Variants in NBEA observed in about 807,000 individuals in gnomAD.
NBEA encodes the protein lysosomal-trafficking regulator 2.
NBEA carries 44 observed loss-of-function variants against 343.4 expected under a neutral mutation model. The observed-to-expected ratio is 0.13, with a 90% CI of 0.10 to 0.16. The LOEUF (loss-of-function observed/expected upper bound fraction) is 0.16. Among genes scored for constraint, NBEA ranks in the 10% least tolerant of loss-of-function variants. The pLI, the probability that NBEA is intolerant of heterozygous loss-of-function variation, is 1.00. For missense variants in NBEA, 2,555 were observed against 3,631.3 expected, an observed-to-expected ratio of 0.70 and a Z score of 7.62; for synonymous variants, 1,175 against 1,238.7, an observed-to-expected ratio of 0.95 and a Z score of 1.08.
chr13:35,638,957 C>A (rs1441737526), intron 49 of NBEA, among the ~76,000 whole-genome samples: 1 of 152,196 alleles, frequency 6.6e-6, no homozygotes, highest in Non-Finnish European at 1.5e-5. Context: ...CTTAATTCTA[C>A]TTAGATTTAC....
intron 47 of NBEA, among the ~76,000 whole-genome samples, chr13:35,601,961 C>T (rs8002367): frequency 0.22 from 33,388 of 151,712 alleles, 3,856 homozygotes; most frequent in African/African-American, 0.23. Flanking sequence ...GTCTATAAAG[C>T]GGGAATAATG....
rs2059307621 is a variant in NBEA, at chr13:34,950,216, A to T, written c.294+7102A>T. Among the ~76,000 whole-genome samples the T allele has an allele frequency of 2.0e-5, 3 of 152,168 alleles. No homozygotes were observed. In the South Asian group the frequency reaches 6.2e-4, roughly 32 times the overall value. ...GCTGCATTTCTGAGACAGCTTGATA[A>T]CTTCTTTCTGAAGAAAGAAAAAGGT... On this transcript the variant is annotated intron_variant, in intron 1 of 58. Transcript: ENST00000379939.
intron 34 of NBEA, among the ~76,000 whole-genome samples, chr13:35,262,935 G>T (rs924007078): frequency 2.6e-5 from 4 of 152,136 alleles, no homozygotes; most frequent in Non-Finnish European, 4.4e-5. Flanking sequence ...TTCTATAAAA[G>T]TCCCAATAAT....
intron 38 of NBEA, among the ~76,000 whole-genome samples, chr13:35,411,631 C>G (rs925903332): frequency 2.1e-4 from 30 of 139,708 alleles, no homozygotes; most frequent in African/African-American, 7.4e-4. Flanking sequence ...TAATGTTTTT[C>G]TTTTTTGTTT....
chr13:35,595,938 A>G (rs145528442), intron 47 of NBEA, among the ~76,000 whole-genome samples: 50 of 152,132 alleles, frequency 3.3e-4, no homozygotes, highest in African/African-American at 1.0e-3. Flanking sequence ...TGACCTGTAC[A>G]CTGACTCCTA....
chr13:35,468,108 A>ACCCCC (rs1346379931), intron 40 of NBEA, among the ~76,000 whole-genome samples: 55 of 81,180 alleles, frequency 6.8e-4, no homozygotes, highest in Non-Finnish European at 9.7e-4. Flanking sequence ...AATGATTTAC[A>ACCCCC]CCCCCCCCCC....
chr13:35,639,632 A>T (rs1457037497), intron 49 of NBEA, among the ~76,000 whole-genome samples: 2 of 152,204 alleles, frequency 1.3e-5, no homozygotes, highest in African/African-American at 4.8e-5. Flanking sequence ...TGAGATAAAC[A>T]AAATGCTAAG....
intron 36 of NBEA, among the ~76,000 whole-genome samples, chr13:35,329,021 C>G (rs1566625468): frequency 6.6e-6 from 1 of 151,846 alleles, no homozygotes; most frequent in Non-Finnish European, 1.5e-5. Flanking sequence ...ATGAACTACA[C>G]AAGTAGGCAA....
intron 35 of NBEA, among the ~76,000 whole-genome samples, chr13:35,294,510 G>A (rs776829349): frequency 1.8e-4 from 28 of 151,934 alleles, no homozygotes; most frequent in East Asian, 1.2e-3. Flanking sequence ...TTTTTTCCCC[G>A]TTGTCTTTGG....
intron 41 of NBEA, among the ~76,000 whole-genome samples, chr13:35,506,885 A>C (rs2077091551): frequency 1.3e-5 from 2 of 151,716 alleles, no homozygotes; most frequent in Admixed American, 1.3e-4. Context: ...ACATTATAGG[A>C]CTCCTTTCTT....
In NBEA at chr13:35,470,558, C is replaced by T. The variant is rs140266724; in HGVS notation, c.6449-1842C>T. Reference sequence around the variant, plus strand: ...GACTTTTTTGAGGTTTTTAGCAATGCCCAACAATGTACAACTTTGTTTCCA... The same window carrying T: ...GACTTTTTTGAGGTTTTTAGCAATGTCCAACAATGTACAACTTTGTTTCCA... On this transcript the variant is annotated intron_variant, in intron 40 of 58. Transcript: ENST00000379939. Among the ~76,000 whole-genome samples, 452 of 152,298 alleles carry T rather than the reference C, an allele frequency of 3.0e-3. 1 individual carries two copies. Among genetic ancestry groups the T allele is most frequent in the African/African-American group, 0.01 (423 of 41,558 alleles).
At chr13:35,031,758 C>G (rs1285498798) in intron 1 of NBEA, among the ~76,000 whole-genome samples, 1 of 151,486 alleles carries the variant, frequency 6.6e-6, no homozygotes, top group East Asian at 1.9e-4. Context: ...GTATTAAGCC[C>G]AGTACCCAAT....
intron 36 of NBEA, among the ~76,000 whole-genome samples, chr13:35,325,349 C>G (rs1014307918): frequency 6.6e-6 from 1 of 151,462 alleles, no homozygotes; most frequent in Non-Finnish European, 1.5e-5. Flanking sequence ...TGTATGTATA[C>G]AAGATATATA....
rs559800096 is a variant in NBEA at position 35,374,120 on chromosome 13, G to C, written c.6179+21797G>C. ...CTAAACTTAATCATTTCTAGCTTTT[G>C]ACTTTAAATGAAAGACACCACTTTT... On this transcript the variant is annotated intron_variant, in intron 38 of 58. Transcript: ENST00000379939. 5.3e-5 allele frequency among the ~76,000 whole-genome samples: 8 copies of C among 152,256 alleles called. No individual in the cohort carries two copies. The South Asian group carries it at 1.5e-3, about 28-fold the overall frequency.
At position 35,565,313 on chromosome 13, in the gene NBEA, A is replaced by G. The variant is rs190312987; in HGVS notation, c.6923-1592A>G. ...ATAGTCATCAATAAAGTGTTTTCTA[A>G]ATATATTAATTAATTTGGTTTGGTG... On this transcript the variant is annotated intron_variant, in intron 44 of 58. Coordinates refer to ENST00000379939, the MANE Select transcript of NBEA (RefSeq NM_001385012.1). Among the ~76,000 whole-genome samples the G allele has an allele frequency of 2.6e-5, 4 of 152,304 alleles. No homozygotes were observed. In the East Asian group the frequency reaches 7.7e-4, roughly 29 times the overall value.
At chr13:35,144,061 G>A (rs1172855249) in intron 18 of NBEA, among the ~76,000 whole-genome samples, 3 of 152,102 alleles carry the variant, frequency 2.0e-5, no homozygotes, top group East Asian at 3.8e-4. Context: ...TTTGGGATGT[G>A]TTCAATTATA....
At chr13:35,575,427 T>C (rs963988711) in intron 45 of NBEA, among the ~76,000 whole-genome samples, 2 of 152,186 alleles carry the variant, frequency 1.3e-5, no homozygotes, top group African/African-American at 4.8e-5. Context: ...AGACTTGGAT[T>C]GATTGGAAAG....
At chr13:35,599,708 A>G (rs1440906752) in intron 47 of NBEA, among the ~76,000 whole-genome samples, 1 of 152,004 alleles carries the variant, frequency 6.6e-6, no homozygotes, top group Non-Finnish European at 1.5e-5. Flanking sequence ...GGGGAAATAG[A>G]CTCCACCTCT....
At position 35,138,971 on chromosome 13, in the gene NBEA, G is replaced by A. The variant is rs192164339; in HGVS notation, c.2337-3298G>A. Among the ~76,000 whole-genome samples, 599 of 151,708 alleles carry A rather than the reference G, an allele frequency of 3.9e-3. 3 individuals carry two copies. Among genetic ancestry groups the A allele is most frequent in the African/African-American group, 0.014 (581 of 41,356 alleles). On this transcript the variant is annotated intron_variant, in intron 17 of 58. Transcript: ENST00000379939. ...ATGATATTTATAATGATTATGTCTG[G>A]GTTGAAGAATTATGGGGTTTCTTTT...
Sources: allele counts gnomAD v4.1 joint callset (sites outside exome capture counted in the v4.1 genomes callset), GRCh38; gene constraint gnomAD v4.1.1; transcripts MANE v1.5; gene names NCBI Gene and HGNC (gene_info 2026-07-23, HGNC 2026-07-21).